The following COL9A2 variants were observed in gnomAD, a reference collection of about 807,000 sequenced individuals.
The protein encoded by COL9A2 is collagen alpha-2(IX) chain.
COL9A2 carries 66 observed loss-of-function variants against 111.6 expected under a neutral mutation model. The ratio of observed to expected loss-of-function variants is 0.59; its 90% CI spans 0.48 to 0.73. The LOEUF is 0.73. Ranked by LOEUF, COL9A2 falls within the 30% of genes least tolerant of loss-of-function variation. The pLI is 0.00. For synonymous variants in COL9A2, 353 were observed against 364.1 expected, an observed-to-expected ratio of 0.97 and a Z score of 0.35; for missense variants, 881 against 954.1, an observed-to-expected ratio of 0.92 and a Z score of 1.01.
Position 40,303,614 on chromosome 1 carries a change from A to C in COL9A2, c.1464T>G (p.Val488=), listed in dbSNP as rs1280303528. The C allele has an allele frequency of 6.2e-7, 1 of 1,603,230 alleles. No individual in the cohort carries two copies. The highest frequency in any genetic ancestry group is 2.3e-5 in the East Asian group (1 of 44,360). Reference sequence around the variant, plus strand: ...GGCCGGGGGGACCAGGGTAGCCCTGAACCCCTGGGGCGCCCGCATCCCCGC... The same window carrying C: ...GGCCGGGGGGACCAGGGTAGCCCTGCACCCCTGGGGCGCCCGCATCCCCGC... ...GPSGDAGAPG[V]QGYPGPPGPR... is the part of the protein sequence containing the mutation. Residue 488 remains valine (V), a synonymous_variant, in exon 28 of 32, where the codon GTT becomes GTG. Transcript: ENST00000372748. This position sits in a 1 kb window ranked among gnomAD's most constrained non-coding sequence, Gnocchi z 4.6.
chr1:40,305,794 G>C (rs1306942360), intron 20 of COL9A2, 26 bp from the exon 21 acceptor site: 3 of 1,612,640 alleles, frequency 1.9e-6, no homozygotes, highest in Non-Finnish European at 1.7e-6. Context: ...TCTCAGGTCA[G>C]TCTGGGTGGC....
In COL9A2 at chr1:40,314,820, A is replaced by G. The variant is rs1254182006; in HGVS notation, c.151-433T>C. 6.6e-6 allele frequency among the ~76,000 whole-genome samples: 1 copy of G among 152,100 alleles called. No individual in the cohort carries two copies. Among genetic ancestry groups the G allele is most frequent in the Non-Finnish European group, 1.5e-5 (1 of 68,014 alleles). On this transcript the variant is annotated intron_variant, in intron 2 of 31. Transcript: ENST00000372748. This position sits in a 1 kb window ranked among gnomAD's most constrained non-coding sequence, Gnocchi z 4.1. ...CCAGACTGCAGGGCAGGAGAACGGGAAGCTGAGCCAGTGGCAAGGACCAAG... is the reference window on the plus strand; with the variant it reads ...CCAGACTGCAGGGCAGGAGAACGGGGAGCTGAGCCAGTGGCAAGGACCAAG...
Position 40,302,982 on chromosome 1 carries a change from C to T in COL9A2, c.1603+149G>A. 9.3e-7 allele frequency: 1 copy of T among 1,078,256 alleles called. No homozygotes were observed. Among genetic ancestry groups the T allele is most frequent in the African/African-American group, 1.6e-5 (1 of 64,106 alleles). The allele number at this position is 1,078,256 out of a possible 1,614,324, so 66.8% of individuals were successfully genotyped here. A position where few individuals can be genotyped will look rare whatever the true frequency, so the allele number is the denominator to read the frequency against. On this transcript the variant is annotated intron_variant, in intron 29 of 31. Transcript: ENST00000372748. This position sits in a 1 kb window ranked among gnomAD's most constrained non-coding sequence, Gnocchi z 4.5. ...AGTCAAAGGCCCAGAGTGACTTATT[C>T]AAGGTCCCAAAACCCTTCAGAGACT...
chr1:40,314,470 C>T lies in COL9A2; in HGVS notation c.151-83G>A. Reference sequence around the variant, plus strand: ...ACACACAGGCCCTGGCAGGCCGCTCCCAAAGGCTCTCCTCACTCTCCTCTC... The same window carrying T: ...ACACACAGGCCCTGGCAGGCCGCTCTCAAAGGCTCTCCTCACTCTCCTCTC... On this transcript the variant is annotated intron_variant, in intron 2 of 31. Transcript: ENST00000372748. The surrounding 1 kb of genome is among the most constrained non-coding windows in gnomAD (Gnocchi z 4.1). 3 of 1,531,786 alleles carry T rather than the reference C, an allele frequency of 2.0e-6. No homozygotes were observed. Among genetic ancestry groups the T allele is most frequent in the Non-Finnish European group, 2.7e-6 (3 of 1,105,580 alleles). 94.9% of individuals were successfully genotyped at this position (1,531,786 alleles called of 1,614,324 possible).
Position 40,310,072 on chromosome 1 carries a change from G to A in COL9A2, c.792+39C>T. 1 of 1,613,492 alleles carries A rather than the reference G, an allele frequency of 6.2e-7. No homozygotes were observed. ...CCACTCTGTGGCTGTAGCTGTAGGA[G>A]CTCCAGCCTCAGGGGTAGGGGAGCA... On this transcript the variant is annotated intron_variant, in intron 15 of 31. Coordinates refer to ENST00000372748, the MANE Select transcript of COL9A2 (RefSeq NM_001852.4). The surrounding 1 kb of genome is among the most constrained non-coding windows in gnomAD (Gnocchi z 4.9).
At position 40,311,384 on chromosome 1, in the gene COL9A2, C is replaced by G. The variant is rs1182017717; in HGVS notation, c.520-98G>C. 6.4e-7 allele frequency: 1 copy of G among 1,567,742 alleles called. No homozygotes were observed. The highest frequency in any genetic ancestry group is 8.7e-7 in the Non-Finnish European group (1 of 1,148,530). ...TCTCCTCCGCCTCACCTGGTGGAACCCCTGCACTGCAGCCCCTCCCCATCT... is the reference window on the plus strand; with the variant it reads ...TCTCCTCCGCCTCACCTGGTGGAACGCCTGCACTGCAGCCCCTCCCCATCT... On this transcript the variant is annotated intron_variant, in intron 10 of 31. Transcript: ENST00000372748. The surrounding 1 kb of genome is among the most constrained non-coding windows in gnomAD (Gnocchi z 5.1).
In COL9A2 at chr1:40,311,042, A is replaced by G. The variant is rs1217835533; in HGVS notation, c.630+51T>C. On this transcript the variant is annotated intron_variant, in intron 12 of 31. Coordinates refer to ENST00000372748, the MANE Select transcript of COL9A2 (RefSeq NM_001852.4). The surrounding 1 kb of genome is among the most constrained non-coding windows in gnomAD (Gnocchi z 5.1). Reference sequence around the variant, plus strand: ...GACGAAGAAGGGGACAGAGCCCTGTAGGACCATCTCCACGTATCCCTGACC... The same window carrying G: ...GACGAAGAAGGGGACAGAGCCCTGTGGGACCATCTCCACGTATCCCTGACC... 6.2e-7 allele frequency: 1 copy of G among 1,605,750 alleles called. No individual in the cohort carries two copies. Among genetic ancestry groups the G allele is most frequent in the Non-Finnish European group, 8.5e-7 (1 of 1,173,004 alleles).
rs771823937 is a variant in COL9A2 at position 40,308,229 on chromosome 1, C to G, written c.863G>C (p.Arg288Pro). The change falls in exon 17 of 32, where the codon CGT (arginine) becomes CCT (proline). Residue 288 changes from arginine to proline, a missense_variant. Coordinates refer to ENST00000372748, the MANE Select transcript of COL9A2 (RefSeq NM_001852.4). ...EKGDEGSPGI[R>P]GPQGITGPKG... is the part of the protein sequence containing the mutation. ...CGGGCCTGTGATCCCCTGGGGTCCA[C>G]GAATACCTGGGCTGCCCTGCAAAGC... 5 of 1,613,982 alleles carry G rather than the reference C, an allele frequency of 3.1e-6. No homozygotes were observed. The African/African-American group carries it at 6.7e-5, about 22-fold the overall frequency.
rs115320560 is a variant in COL9A2, at chr1:40,303,737, G to T, written c.1402-61C>A. On this transcript the variant is annotated intron_variant, in intron 27 of 31. Coordinates refer to ENST00000372748, the MANE Select transcript of COL9A2 (RefSeq NM_001852.4). This position sits in a 1 kb window ranked among gnomAD's most constrained non-coding sequence, Gnocchi z 4.6. ...AGAAGGCGCCCGGGTGGGCGAGAGTGGGGGGTGGGGGTCGAGGAAGGGAGT... is the reference window on the plus strand; with the variant it reads ...AGAAGGCGCCCGGGTGGGCGAGAGTTGGGGGTGGGGGTCGAGGAAGGGAGT... 0.016 allele frequency: 23,620 copies of T among 1,505,022 alleles called. 1,264 individuals carry two copies. In the African/African-American group the frequency reaches 0.16, roughly 10 times the overall value. 93.2% of individuals were successfully genotyped at this position (1,505,022 alleles called of 1,614,324 possible). A position where few individuals can be genotyped will look rare whatever the true frequency, so the allele number is the denominator to read the frequency against.
intron 16 of COL9A2, 65 bp downstream of exon 16, chr1:40,309,873 G>A (rs982447296): frequency 2.1e-5 from 32 of 1,517,538 alleles, no homozygotes; most frequent in Non-Finnish European, 2.9e-5. Flanking sequence ...AGCCTTAGGG[G>A]GTGCCTTGTC....
At chr1:40,304,212 C>T (rs1197525102) in intron 24 of COL9A2, 108 bp downstream of exon 24, 7 of 1,523,482 alleles carry the variant, frequency 4.6e-6, no homozygotes, top group Non-Finnish European at 6.2e-6. Context: ...CAGACCAGAA[C>T]CCTGAGATCC....
At chr1:40,304,247 T>A (rs893349492) in intron 24 of COL9A2, 73 bp downstream of exon 24, 72 of 1,535,372 alleles carry the variant, frequency 4.7e-5, no homozygotes, top group South Asian at 7.2e-5. Flanking sequence ...TCCGGAAGGA[T>A]CTGAGTCCTG....
chr1:40,316,389 C>T lies in COL9A2; in HGVS notation c.76-725G>A, dbSNP rs563131648. Among the ~76,000 whole-genome samples, 2 of 152,314 alleles carry T rather than the reference C, an allele frequency of 1.3e-5. No homozygotes were observed. The highest frequency in any genetic ancestry group is 2.4e-5 in the African/African-American group (1 of 41,586). ...GATCCCGTTTGCCTGCAATTCAATG[C>T]CCCTGGGTGGGTGTGAGGTTTCAGG... On this transcript the variant is annotated intron_variant, in intron 1 of 31. Transcript: ENST00000372748. The surrounding 1 kb of genome is among the most constrained non-coding windows in gnomAD (Gnocchi z 5.5).
In COL9A2 at chr1:40,309,946, C is replaced by T. The variant is rs998769775; in HGVS notation, c.838G>A (p.Gly280Ser). The T allele has an allele frequency of 6.2e-7, 1 of 1,613,868 alleles. No homozygotes were observed. The highest frequency in any genetic ancestry group is 1.3e-5 in the African/African-American group (1 of 75,006). Residue 280 changes from glycine to serine, a missense_variant, in exon 16 of 32, where the codon GGT becomes AGT. Coordinates refer to ENST00000372748, the MANE Select transcript of COL9A2 (RefSeq NM_001852.4). ...GGTGCCTGAGGACTCACCTCGTCAC[C>T]CTTCTCCCCAGCTCGGCCTGGCGGT... ...RGPPGRAGEK[G>S]DEGSPGIRGP...
Position 40,310,478 on chromosome 1 carries a change from C to T in COL9A2, c.685-161G>A, listed in dbSNP as rs1644105961. On this transcript the variant is annotated intron_variant, in intron 13 of 31. Coordinates refer to ENST00000372748, the MANE Select transcript of COL9A2 (RefSeq NM_001852.4). This position sits in a 1 kb window ranked among gnomAD's most constrained non-coding sequence, Gnocchi z 4.9. ...AGGTTCAGAGATGAGGAGGGACTCA[C>T]TGCATTACTCAAAGGGACAGTGGCA... Among the ~76,000 whole-genome samples the T allele has an allele frequency of 6.6e-6, 1 of 152,192 alleles. No homozygotes were observed. The highest frequency in any genetic ancestry group is 6.5e-5 in the Admixed American group (1 of 15,278).
chr1:40,304,834 G>A lies in COL9A2; in HGVS notation c.1121C>T (p.Pro374Leu), dbSNP rs1294031508. ...GPPGKEGEPG[P>L]RGEIGPQGIM... Reference sequence around the variant, plus strand: ...GCCCTGGGGACCAATTTCTCCTCGAGGCCCTGGCTCTCCCTGGAGGAAGGA... The same window carrying A: ...GCCCTGGGGACCAATTTCTCCTCGAAGCCCTGGCTCTCCCTGGAGGAAGGA... The change falls in exon 22 of 32, where the codon CCT becomes CTT. Residue 374 changes from proline to leucine, a missense_variant. Physicochemically the swap from Pro to Leu is moderately conservative, Grantham distance 98 (BLOSUM62 -3). Transcript: ENST00000372748. 7 of 1,550,706 alleles carry A rather than the reference G, an allele frequency of 4.5e-6. No homozygotes were observed. In the East Asian group the frequency reaches 9.8e-5, roughly 22 times the overall value.
In COL9A2 at chr1:40,303,505, C is replaced by T. The variant is rs1643949242; in HGVS notation, c.1548+25G>A. 1 of 1,612,696 alleles carries T rather than the reference C, an allele frequency of 6.2e-7. No individual in the cohort carries two copies. Among genetic ancestry groups the T allele is most frequent in the East Asian group, 2.2e-5 (1 of 44,874 alleles). ...AGAACAGATCTACCTAGAAGAAGCACCTCCTACCCCGGGGCCCGACTCACC... is the reference window on the plus strand; with the variant it reads ...AGAACAGATCTACCTAGAAGAAGCATCTCCTACCCCGGGGCCCGACTCACC... On this transcript the variant is annotated intron_variant, in intron 28 of 31. Transcript: ENST00000372748. This position sits in a 1 kb window ranked among gnomAD's most constrained non-coding sequence, Gnocchi z 4.6.
chr1:40,310,908 G>A lies in COL9A2; in HGVS notation c.631-141C>T. ...ACCCTACAGTCCTGTGTTACAGATA[G>A]AGAAAAGCCAAGCAAGGAGACATGA... On this transcript the variant is annotated intron_variant, in intron 12 of 31. Transcript: ENST00000372748. The surrounding 1 kb of genome is among the most constrained non-coding windows in gnomAD (Gnocchi z 4.9). The A allele has an allele frequency of 5.6e-6, 6 of 1,068,208 alleles. No individual in the cohort carries two copies. The South Asian group carries it at 8.0e-5, about 14-fold the overall frequency. The allele number at this position is 1,068,208 out of a possible 1,614,324, so 66.2% of individuals were successfully genotyped here.
chr1:40,307,473 G>C lies in COL9A2; in HGVS notation c.981C>G (p.Pro327=), dbSNP rs140834689. ...MKGSAGQAGQ[P]GSPGHQGLAG... ...CTAGGCCCTGGTGGCCTGGACTTCC[G>C]GGCTGTCCCGCCTGTCCTGCACTGC... Residue 327 remains proline (P), a synonymous_variant, in exon 19 of 32, where the codon CCC becomes CCG. Coordinates refer to ENST00000372748, the MANE Select transcript of COL9A2 (RefSeq NM_001852.4). The surrounding 1 kb of genome is among the most constrained non-coding windows in gnomAD (Gnocchi z 4.8). 1 of 1,613,968 alleles carries C rather than the reference G, an allele frequency of 6.2e-7. No individual in the cohort carries two copies. Among genetic ancestry groups the C allele is most frequent in the Non-Finnish European group, 8.5e-7 (1 of 1,180,010 alleles).
Sources: gnomAD v4.1 joint callset for allele counts (sites outside exome capture counted in the v4.1 genomes callset) on GRCh38, gnomAD v4.1.1 for gene constraint, Gnocchi (gnomAD v3.1) non-coding constraint, MANE v1.5 for transcripts, NCBI Gene and HGNC (gene_info 2026-07-23, HGNC 2026-07-21) for gene names.